DPYSL5: variants seen among roughly 807,000 people sequenced by gnomAD.
DPYSL5 encodes the protein dihydropyrimidinase like 5.
Under a neutral mutation model 58.4 loss-of-function variants are expected in DPYSL5, and 9 were observed. That is an observed-to-expected ratio of 0.15 (90% confidence interval 0.09 to 0.27). DPYSL5 has a LOEUF of 0.27. DPYSL5 is among the 10% of genes least tolerant of loss of function. The pLI is 1.00. For synonymous variants in DPYSL5, 293 were observed against 301.9 expected (o/e 0.97, Z 0.31); for missense variants, 499 against 770.6 (o/e 0.65, Z 4.17).
chr2:26,903,840 C>A (rs1344498685), intron 2 of DPYSL5, among the ~76,000 whole-genome samples: 1 of 152,250 alleles, frequency 6.6e-6, no homozygotes, highest in African/African-American at 2.4e-5. Context: ...GGTGTCCTGA[C>A]CTCCTGTCTG....
chr2:26,931,201 GTGTATATATATATA>G (rs1312635884), intron 5 of DPYSL5, among the ~76,000 whole-genome samples: 1 of 54,544 alleles, frequency 1.8e-5, no homozygotes, highest in Non-Finnish European at 3.8e-5. Context: ...GTGTGTGTGT[GTGTATATATATATA>G]TATATATATA....
intron 2 of DPYSL5, among the ~76,000 whole-genome samples, chr2:26,904,296 G>A (rs970507377): frequency 4.6e-5 from 7 of 152,206 alleles, no homozygotes; most frequent in African/African-American, 1.4e-4. Context: ...CTGTTTGTCC[G>A]CTTGGCAGGT....
At chr2:26,850,591 G>A (rs925305675) in intron 1 of DPYSL5, among the ~76,000 whole-genome samples, 2 of 151,814 alleles carry the variant, frequency 1.3e-5, no homozygotes, top group Admixed American at 1.3e-4. Flanking sequence ...GCGATACTTG[G>A]CATTGTAGAA....
At chr2:26,866,469 A>AAC (rs57210677) in intron 1 of DPYSL5, among the ~76,000 whole-genome samples, 38,300 of 148,524 alleles carry the variant, frequency 0.26, 4,991 homozygotes, top group Admixed American at 0.34. Flanking sequence ...TCATTATGCA[A>AAC]ACACACACAC....
intron 1 of DPYSL5, among the ~76,000 whole-genome samples, chr2:26,859,270 A>T (rs1008642626): frequency 2.0e-5 from 3 of 152,134 alleles, no homozygotes; most frequent in Non-Finnish European, 4.4e-5. Flanking sequence ...CAACCACAAA[A>T]ATCCTCATTC....
At chr2:26,928,863 G>A (rs1211167108) in intron 5 of DPYSL5, among the ~76,000 whole-genome samples, 1 of 151,228 alleles carries the variant, frequency 6.6e-6, no homozygotes, top group Non-Finnish European at 1.5e-5. Flanking sequence ...ACCTGGGGTT[G>A]CTGTGCCCAA....
intron 1 of DPYSL5, among the ~76,000 whole-genome samples, chr2:26,884,536 A>T (rs1461681789): frequency 1.7e-4 from 26 of 151,916 alleles, no homozygotes; most frequent in Admixed American, 1.6e-3. Context: ...ACACACACAC[A>T]CACACACACA....
chr2:26,924,957 A>C lies in DPYSL5; in HGVS notation c.332A>C (p.Asp111Ala), dbSNP rs762975695. ...VLPDKETSLV[D>A]AYEKCRGLAD... Reference sequence around the variant, plus strand: ...CCCGACAAGGAGACCTCCCTTGTGGACGCTTATGAGAAGTGCCGAGGTCTG... The same window carrying C: ...CCCGACAAGGAGACCTCCCTTGTGGCCGCTTATGAGAAGTGCCGAGGTCTG... Residue 111 changes from aspartate (D) to alanine (A), a missense_variant, in exon 3 of 13, where the codon GAC becomes GCC. Coordinates refer to ENST00000288699, the MANE Select transcript of DPYSL5 (RefSeq NM_020134.4). This position sits in a 1 kb window ranked among gnomAD's most constrained non-coding sequence, Gnocchi z 4.7. 5 of 1,614,132 alleles carry C rather than the reference A, an allele frequency of 3.1e-6. No individual in the cohort carries two copies. The South Asian group carries it at 4.4e-5, about 14-fold the overall frequency.
At chr2:26,873,728 G>A (rs1663331448) in intron 1 of DPYSL5, among the ~76,000 whole-genome samples, 1 of 152,134 alleles carries the variant, frequency 6.6e-6, no homozygotes, top group South Asian at 2.1e-4. Flanking sequence ...AAAAGAAAAA[G>A]AATATCTCCT....
At chr2:26,848,023 G>GGGA (rs1665638613), upstream of DPYSL5, 1 of 152,040 alleles carries the variant, frequency 6.6e-6, no homozygotes, top group African/African-American at 2.4e-5. Flanking sequence ...AGCTGAGGTG[G>GGGA]GGAGCGGCGG....
chr2:26,914,847 AC>A (rs1553319063), intron 2 of DPYSL5, among the ~76,000 whole-genome samples: 2 of 151,968 alleles, frequency 1.3e-5, no homozygotes, highest in Non-Finnish European at 2.9e-5. Flanking sequence ...CTGCATCTTA[AC>A]CTCTAAGGGG....
chr2:26,924,888 C>A lies in DPYSL5; in HGVS notation c.263C>A (p.Ala88Glu). 6.2e-7 allele frequency: 1 copy of A among 1,613,396 alleles called. No individual in the cohort carries two copies. Among genetic ancestry groups the A allele is most frequent in the Non-Finnish European group, 8.5e-7 (1 of 1,179,638 alleles). The stretch of plus-strand genomic sequence containing the variant: ...GACTGCCTTTTCCCGTCTTCCCAGG[C>A]AGCACTCGTCGGAGGCACCACCATG... ...CVDDFYHGTK[A>E]ALVGGTTMII... Residue 88 changes from alanine (A) to glutamate (E), a missense_variant and splice_region_variant, in exon 3 of 13, where the codon GCA becomes GAA. This residue lies in a region of DPYSL5 where 404 missense variants were observed against 647.6 expected (regional missense o/e 0.62). Transcript: ENST00000288699. This position sits in a 1 kb window ranked among gnomAD's most constrained non-coding sequence, Gnocchi z 4.7.
At chr2:26,862,134 T>C (rs1489878556) in intron 1 of DPYSL5, among the ~76,000 whole-genome samples, 1 of 152,182 alleles carries the variant, frequency 6.6e-6, no homozygotes, top group African/African-American at 2.4e-5. Context: ...TGCAGCCTTG[T>C]GAGGCTCTAA....
At chr2:26,894,715 G>A (rs987309493) in intron 1 of DPYSL5, among the ~76,000 whole-genome samples, 1 of 152,152 alleles carries the variant, frequency 6.6e-6, no homozygotes, top group Non-Finnish European at 1.5e-5. Context: ...CCTCAGCCAT[G>A]CTCCTTGGGC....
intron 1 of DPYSL5, among the ~76,000 whole-genome samples, chr2:26,879,208 T>C (rs1663489995): frequency 6.6e-6 from 1 of 152,154 alleles, no homozygotes; most frequent in African/African-American, 2.4e-5. Context: ...CAGTAAATGA[T>C]AAGGGCCTGA....
chr2:26,932,185 A>AGAC (rs1665036963), intron 6 of DPYSL5, among the ~76,000 whole-genome samples: 6 of 70,374 alleles, frequency 8.5e-5, no homozygotes, highest in East Asian at 4.2e-4. Flanking sequence ...GAAAGAAAGA[A>AGAC]AGAAAGAAAG....
intron 2 of DPYSL5, among the ~76,000 whole-genome samples, chr2:26,907,005 G>A (rs1414554681): frequency 3.3e-5 from 5 of 152,208 alleles, no homozygotes; most frequent in African/African-American, 4.8e-5. Flanking sequence ...GGCTTCAAGC[G>A]ATCCTCCTGC....
At chr2:26,891,111 C>A (rs1299817721) in intron 1 of DPYSL5, among the ~76,000 whole-genome samples, 1 of 152,056 alleles carries the variant, frequency 6.6e-6, no homozygotes, top group Admixed American at 6.6e-5. Flanking sequence ...AGTTGTGGGA[C>A]CTTAAGGACG....
chr2:26,872,224 G>A (rs987603385), intron 1 of DPYSL5, among the ~76,000 whole-genome samples: 5 of 152,162 alleles, frequency 3.3e-5, no homozygotes, highest in Non-Finnish European at 4.4e-5. Context: ...CTGGAGTTGC[G>A]GGTGCCTAAG....
Sources: allele counts gnomAD v4.1 joint callset (sites outside exome capture counted in the v4.1 genomes callset), GRCh38; gene constraint gnomAD v4.1.1; regional missense constraint gnomAD v4.1.1; non-coding constraint Gnocchi (gnomAD v3.1); transcripts MANE v1.5; gene names NCBI Gene and HGNC (gene_info 2026-07-23, HGNC 2026-07-21).